The following SGPP2 variants were observed in gnomAD, a reference collection of about 807,000 sequenced individuals.
SGPP2 encodes sphingosine 1-phosphate phosphohydrolase 2.
SGPP2 carries 30 observed loss-of-function variants against 33.9 expected under a neutral mutation model. The ratio of observed to expected loss-of-function variants is 0.89; its 90% CI spans 0.66 to 1.20. SGPP2 has a LOEUF of 1.20. Ranked by LOEUF, SGPP2 falls within the 50% of genes most tolerant of loss-of-function variation. The pLI, the probability that SGPP2 is intolerant of heterozygous loss-of-function variation, is 0.00. For synonymous variants in SGPP2, 233 were observed against 225.0 expected (o/e 1.04, Z -0.32); for missense variants, 458 against 532.1 (o/e 0.86, Z 1.37).
chr2:222,535,150 G>A (rs1030103406), intron 4 of SGPP2, among the ~76,000 whole-genome samples: 1 of 151,918 alleles, frequency 6.6e-6, no homozygotes, highest in Non-Finnish European at 1.5e-5. Flanking sequence ...GCAAAGGCGG[G>A]CAGATCACCT....
chr2:222,540,801 G>A (rs1574886767), intron 4 of SGPP2, among the ~76,000 whole-genome samples: 1 of 134,260 alleles, frequency 7.4e-6, no homozygotes, highest in African/African-American at 2.7e-5. Flanking sequence ...GCATAATTTT[G>A]TTTAGCTTAT....
chr2:222,519,251 G>A (rs1343529338), intron 2 of SGPP2, among the ~76,000 whole-genome samples: 1 of 152,112 alleles, frequency 6.6e-6, no homozygotes, highest in Non-Finnish European at 1.5e-5. Context: ...GAATCACCTG[G>A]CAATCTTGTG....
At chr2:222,542,921 C>G (rs765081911) in intron 4 of SGPP2, among the ~76,000 whole-genome samples, 13 of 151,888 alleles carry the variant, frequency 8.6e-5, no homozygotes, top group Non-Finnish European at 1.8e-4. Flanking sequence ...TCCTGAGTAG[C>G]TGGGACCGCA....
chr2:222,452,828 C>G, intron 1 of SGPP2: 1 of 1,605,810 alleles, frequency 6.2e-7, no homozygotes, highest in Admixed American at 1.7e-5. Context: ...TGCTATTCTG[C>G]GGCCAGTTGT....
At chr2:222,453,193 G>A in intron 1 of SGPP2, 1 of 778,210 alleles carries the variant, frequency 1.3e-6, no homozygotes, top group Non-Finnish European at 2.4e-6. Context: ...TGCAAGGATG[G>A]ATAGTTTCTT....
At chr2:222,540,491 T>C (rs745517183) in intron 4 of SGPP2, among the ~76,000 whole-genome samples, 4 of 152,218 alleles carry the variant, frequency 2.6e-5, no homozygotes, top group Non-Finnish European at 5.9e-5. Flanking sequence ...GTTATATTCA[T>C]GTCTGTTCAT....
chr2:222,542,580 C>A (rs563636588), intron 4 of SGPP2, among the ~76,000 whole-genome samples: 1 of 152,270 alleles, frequency 6.6e-6, no homozygotes, highest in East Asian at 1.9e-4. Context: ...GTGAATATCA[C>A]TCTTATTTTC....
rs1422071517 is a variant in SGPP2 at position 222,477,519 on chromosome 2, CTG to C, written c.378+2797_378+2798del. Reference sequence around the variant, plus strand: ...TATATGTTTATGTGTATATATATGTCTGTGTATATATGTGTATTTGTGTTTAT... The same window carrying C: ...TATATGTTTATGTGTATATATATGTCTGTATATATGTGTATTTGTGTTTAT... On this transcript the variant is annotated intron_variant, in intron 2 of 4. Coordinates refer to ENST00000321276, the MANE Select transcript of SGPP2 (RefSeq NM_152386.4). This position sits in a 1 kb window ranked among gnomAD's most constrained non-coding sequence, Gnocchi z 6.0. 6.7e-6 allele frequency among the ~76,000 whole-genome samples: 1 copy of C among 150,316 alleles called. No individual in the cohort carries two copies. Among genetic ancestry groups the C allele is most frequent in the Non-Finnish European group, 1.5e-5 (1 of 67,534 alleles).
At chr2:222,540,817 GTTTTT>G (rs750932260) in intron 4 of SGPP2, among the ~76,000 whole-genome samples, 13 of 108,424 alleles carry the variant, frequency 1.2e-4, no homozygotes, top group Non-Finnish European at 1.4e-4. Flanking sequence ...CTTATAAACT[GTTTTT>G]TTTTTTTTTT....
In SGPP2 at chr2:222,424,692, C is replaced by T. The variant is rs1221067288; in HGVS notation, c.90C>T (p.Gly30=). The part of the protein sequence containing the change: ...RCGLFPAPDE[G]PRENGADPTE... ...GGCTCTTCCCCGCTCCGGATGAAGG[C>T]CCCCGGGAGAACGGCGCGGACCCCA... The change falls in exon 1 of 5, where the codon GGC becomes GGT. Residue 30 remains glycine (G), a synonymous_variant. Transcript: ENST00000321276. 1.4e-6 allele frequency: 2 copies of T among 1,449,566 alleles called. No individual in the cohort carries two copies. The highest frequency in any genetic ancestry group is 1.5e-5 in the African/African-American group (1 of 67,814). The allele number at this position is 1,449,566 out of a possible 1,614,324, so 89.8% of individuals were successfully genotyped here.
intron 1 of SGPP2, among the ~76,000 whole-genome samples, chr2:222,464,699 TCTC>T (rs1398286828): frequency 6.6e-6 from 1 of 152,136 alleles, no homozygotes; most frequent in African/African-American, 2.4e-5. Context: ...CCCAGGCTCT[TCTC>T]AGACTCCTGG....
chr2:222,469,244 C>T (rs893945806), intron 1 of SGPP2, among the ~76,000 whole-genome samples: 2 of 152,102 alleles, frequency 1.3e-5, no homozygotes, highest in African/African-American at 2.4e-5. Flanking sequence ...AGTGCAGTGG[C>T]GTGATCTCGG....
At chr2:222,454,066 T>C (rs945704566) in intron 1 of SGPP2, among the ~76,000 whole-genome samples, 14 of 152,098 alleles carry the variant, frequency 9.2e-5, no homozygotes, top group Admixed American at 8.5e-4. Context: ...TTTTGTAATC[T>C]TTTACTTTTG....
chr2:222,442,759 C>A (rs1309307929), intron 1 of SGPP2, among the ~76,000 whole-genome samples: 1 of 152,152 alleles, frequency 6.6e-6, no homozygotes, highest in Non-Finnish European at 1.5e-5. Flanking sequence ...TCTGAAGTAT[C>A]TAATGGTTTT....
intron 1 of SGPP2, among the ~76,000 whole-genome samples, chr2:222,471,020 T>G (rs193169246): frequency 6.6e-6 from 1 of 152,368 alleles, no homozygotes; most frequent in African/African-American, 2.4e-5. Context: ...GAGGTGAAAC[T>G]CTACACTTCC....
rs1193959647 is a variant in SGPP2, at chr2:222,511,445, GT to G, written c.379-10320del. On this transcript the variant is annotated intron_variant, in intron 2 of 4. Coordinates refer to ENST00000321276, the MANE Select transcript of SGPP2 (RefSeq NM_152386.4). ...GGGCCCCTAGCCAGTTTACTAAGGT[GT>G]TAATGGTCTGTAATTACTTCCCGTG... 2.6e-5 allele frequency among the ~76,000 whole-genome samples: 4 copies of G among 152,170 alleles called. No individual in the cohort carries two copies. The East Asian group carries it at 7.7e-4, about 29-fold the overall frequency.
intron 1 of SGPP2, among the ~76,000 whole-genome samples, chr2:222,472,071 C>T (rs965132115): frequency 2.2e-4 from 34 of 152,298 alleles, no homozygotes; most frequent in South Asian, 1.2e-3. Context: ...TGTGTACTTT[C>T]TGCTAAGCGT....
intron 4 of SGPP2, among the ~76,000 whole-genome samples, chr2:222,540,199 T>C (rs868447385): frequency 5.3e-5 from 8 of 152,212 alleles, no homozygotes; most frequent in South Asian, 4.1e-4. Flanking sequence ...ACATATCTTG[T>C]GGATGGAACC....
In SGPP2 at chr2:222,560,023, G is replaced by A. The variant is rs368366576; in HGVS notation, c.*1125G>A. ...GCTCACACATCACCAAACAGGTTGGGGGTTAGCCTTCAGCACAGGTGGATA... is the reference window on the plus strand; with the variant it reads ...GCTCACACATCACCAAACAGGTTGGAGGTTAGCCTTCAGCACAGGTGGATA... On this transcript the variant is annotated 3_prime_UTR_variant, in exon 5 of 5. Transcript: ENST00000321276. The A allele has an allele frequency of 5.2e-5, 8 of 152,414 alleles. No individual in the cohort carries two copies. The highest frequency in any genetic ancestry group is 1.9e-4 in the African/African-American group (8 of 41,558). The allele number at this position is 152,414 out of a possible 1,614,324, so 9.4% of individuals were successfully genotyped here. A position where few individuals can be genotyped will look rare whatever the true frequency, so the allele number is the denominator to read the frequency against.
Sources: allele counts gnomAD v4.1 joint callset (sites outside exome capture counted in the v4.1 genomes callset), GRCh38; gene constraint gnomAD v4.1.1; non-coding constraint Gnocchi (gnomAD v3.1); transcripts MANE v1.5; gene names NCBI Gene and HGNC (gene_info 2026-07-23, HGNC 2026-07-21).